Variants in CNTN3 observed in about 807,000 individuals in gnomAD.
CNTN3 encodes contactin 3.
In CNTN3, 60 loss-of-function variants were observed where a neutral mutation model predicts 119.1. That is an observed-to-expected ratio of 0.50 (90% CI 0.41 to 0.62). The LOEUF is 0.62. CNTN3 is among the 20% of genes least tolerant of loss of function. CNTN3 has a pLI of 0.00. For missense variants in CNTN3, 1,101 were observed against 1,242.4 expected, an observed-to-expected ratio of 0.89 and a Z score of 1.71; for synonymous variants, 450 against 438.7, an observed-to-expected ratio of 1.03 and a Z score of -0.32.
At position 74,465,719 on chromosome 3, in the gene CNTN3, T is replaced by C. The variant is rs74406976; in HGVS notation, c.358+20737A>G. On this transcript the variant is annotated intron_variant, in intron 4 of 22. Transcript: ENST00000263665. ...GCATATTTACTTTCAGAACCCTCCA[T>C]TGCCCCACCCTGCCAGTGTGTGAGG... 8.7e-3 allele frequency among the ~76,000 whole-genome samples: 1,328 copies of C among 152,272 alleles called. 14 individuals carry two copies. The highest frequency in any genetic ancestry group is 0.03 in the African/African-American group (1,256 of 41,564).
chr3:74,612,359 T>A (rs1705097832), intron 1 of CNTN3, among the ~76,000 whole-genome samples: 1 of 152,220 alleles, frequency 6.6e-6, no homozygotes, highest in Admixed American at 6.5e-5. Context: ...TTGAAAGTGC[T>A]CAGCACTTTG....
intron 3 of CNTN3, among the ~76,000 whole-genome samples, chr3:74,495,757 A>T (rs1047808044): frequency 6.6e-6 from 1 of 152,040 alleles, no homozygotes; most frequent in African/African-American, 2.4e-5. Flanking sequence ...ATTATAGACA[A>T]CCATGTTTAA....
chr3:74,483,906 T>C (rs529594351), intron 4 of CNTN3, among the ~76,000 whole-genome samples: 1 of 152,134 alleles, frequency 6.6e-6, no homozygotes, highest in East Asian at 1.9e-4. Flanking sequence ...CTGCAAGAGG[T>C]GAAAGATAAT....
At chr3:74,422,750 G>C (rs2106893341) in intron 5 of CNTN3, among the ~76,000 whole-genome samples, 1 of 152,292 alleles carries the variant, frequency 6.6e-6, no homozygotes, top group East Asian at 1.9e-4. Context: ...ATGTTCATTT[G>C]AGACAATATA....
intron 4 of CNTN3, among the ~76,000 whole-genome samples, chr3:74,442,646 C>T (rs890962041): frequency 7.2e-5 from 11 of 152,156 alleles, no homozygotes; most frequent in African/African-American, 2.2e-4. Context: ...TAGGGACTGG[C>T]TAACATACAA....
chr3:74,401,934 T>G (rs555279091), intron 5 of CNTN3, among the ~76,000 whole-genome samples: 1 of 152,306 alleles, frequency 6.6e-6, no homozygotes, highest in African/African-American at 2.4e-5. Context: ...TGGGAAACAC[T>G]GAAGAGTAAA....
At chr3:74,472,339 C>T (rs1439107685) in intron 4 of CNTN3, among the ~76,000 whole-genome samples, 2 of 152,110 alleles carry the variant, frequency 1.3e-5, no homozygotes, top group South Asian at 2.1e-4. Flanking sequence ...CATATATGCA[C>T]CTTAAAAACC....
At chr3:74,534,065 C>A (rs1318373733) in intron 1 of CNTN3, among the ~76,000 whole-genome samples, 8 of 152,034 alleles carry the variant, frequency 5.3e-5, no homozygotes, top group Admixed American at 3.9e-4. Context: ...AGCTACCATC[C>A]AGCCTGGCTA....
chr3:74,467,254 A>G (rs899636796), intron 4 of CNTN3, among the ~76,000 whole-genome samples: 3 of 152,186 alleles, frequency 2.0e-5, no homozygotes, highest in African/African-American at 4.8e-5. Flanking sequence ...TGACTAAAAA[A>G]TAAGAGTTAT....
chr3:74,422,208 G>T (rs896512430), intron 5 of CNTN3, among the ~76,000 whole-genome samples: 2 of 152,110 alleles, frequency 1.3e-5, no homozygotes, highest in Admixed American at 6.6e-5. Flanking sequence ...GAATACCTCC[G>T]CATTACAGAC....
intron 1 of CNTN3, among the ~76,000 whole-genome samples, chr3:74,569,277 C>T (rs1273469228): frequency 1.3e-5 from 2 of 152,152 alleles, no homozygotes; most frequent in African/African-American, 2.4e-5. Flanking sequence ...GGGAATTACA[C>T]CTCTTGGAGT....
intron 1 of CNTN3, among the ~76,000 whole-genome samples, chr3:74,539,695 T>A (rs1703814721): frequency 6.6e-6 from 1 of 152,134 alleles, no homozygotes; most frequent in Non-Finnish European, 1.5e-5. Context: ...TTCTTTCCTA[T>A]TTTCACATTT....
intron 1 of CNTN3, among the ~76,000 whole-genome samples, chr3:74,600,957 C>T (rs1704899688): frequency 6.6e-6 from 1 of 151,982 alleles, no homozygotes. Context: ...GTTCTTTTAG[C>T]ATACAGCATC....
intron 1 of CNTN3, among the ~76,000 whole-genome samples, chr3:74,579,098 T>C (rs938375184): frequency 3.9e-5 from 6 of 151,944 alleles, no homozygotes; most frequent in Admixed American, 1.3e-4. Context: ...ATAAGAAAGC[T>C]AGTATTTCGT....
chr3:74,278,614 G>T (rs921196261), intron 20 of CNTN3, among the ~76,000 whole-genome samples: 6 of 152,264 alleles, frequency 3.9e-5, no homozygotes, highest in Admixed American at 1.3e-4. Flanking sequence ...AACCCAAGAT[G>T]GATGAAGGAC....
At chr3:74,601,243 A>G (rs759505163) in intron 1 of CNTN3, among the ~76,000 whole-genome samples, 4 of 152,024 alleles carry the variant, frequency 2.6e-5, no homozygotes, top group Non-Finnish European at 5.9e-5. Flanking sequence ...CCAACTTTAC[A>G]GGTGAAGAAA....
intron 1 of CNTN3, among the ~76,000 whole-genome samples, chr3:74,578,945 A>G (rs1320422444): frequency 6.6e-6 from 1 of 152,102 alleles, no homozygotes; most frequent in South Asian, 2.1e-4. Context: ...TGAAGAGAAT[A>G]TCTGCTGCAA....
intron 19 of CNTN3, among the ~76,000 whole-genome samples, chr3:74,292,370 G>A (rs970794680): frequency 3.3e-5 from 5 of 152,114 alleles, no homozygotes; most frequent in African/African-American, 1.2e-4. Context: ...TTAGAGACTA[G>A]CCTGACCAAC....
chr3:74,431,391 G>T (rs909177266), intron 4 of CNTN3, among the ~76,000 whole-genome samples: 9 of 152,118 alleles, frequency 5.9e-5, no homozygotes, highest in Non-Finnish European at 1.2e-4. Flanking sequence ...TGGTATAACT[G>T]CAGGGGTATA....
Sources: gnomAD v4.1 joint callset for allele counts (sites outside exome capture counted in the v4.1 genomes callset) on GRCh38, gnomAD v4.1.1 for gene constraint, MANE v1.5 for transcripts, NCBI Gene and HGNC (gene_info 2026-07-23, HGNC 2026-07-21) for gene names.